SORBS2: variants seen among roughly 807,000 people sequenced by gnomAD.
SORBS2 encodes sorbin and SH3 domain-containing protein 2.
SORBS2 carries 46 observed loss-of-function variants against 97.7 expected under a neutral mutation model. The ratio of observed to expected loss-of-function variants is 0.47; its 90% CI spans 0.37 to 0.60. The LOEUF (loss-of-function observed/expected upper bound fraction) is 0.60, where lower values mean the gene tolerates loss of function less well. Among genes scored for constraint, SORBS2 ranks in the 20% least tolerant of loss-of-function variants. The pLI is 0.00. For synonymous variants in SORBS2, 476 were observed against 473.4 expected (o/e 1.01, Z -0.07); for missense variants, 1,316 against 1,282.3 (o/e 1.03, Z -0.40).
At chr4:185,644,790 G>A (rs1381436777) in intron 4 of SORBS2, among the ~76,000 whole-genome samples, 1 of 152,140 alleles carries the variant, frequency 6.6e-6, no homozygotes, top group East Asian at 1.9e-4. Context: ...TGTAAAACGA[G>A]GAGTCTTTAA....
At chr4:185,682,656 A>G (rs1315114413) in intron 2 of SORBS2, among the ~76,000 whole-genome samples, 9 of 152,222 alleles carry the variant, frequency 5.9e-5, no homozygotes, top group Admixed American at 5.9e-4. Flanking sequence ...TGAAAGCTAC[A>G]TAGAATGCAG....
chr4:185,671,333 AT>A, intron 4 of SORBS2, among the ~76,000 whole-genome samples: 1 of 152,340 alleles, frequency 6.6e-6, no homozygotes, highest in South Asian at 2.1e-4. Context: ...AAAGTGTCAT[AT>A]TTTAAGAACA....
intron 1 of SORBS2, among the ~76,000 whole-genome samples, chr4:185,912,492 G>A (rs985002991): frequency 6.7e-6 from 1 of 150,188 alleles, no homozygotes; most frequent in African/African-American, 2.5e-5. Flanking sequence ...GGCTGAGGCA[G>A]GAGAATCGCT....
intron 1 of SORBS2, among the ~76,000 whole-genome samples, chr4:185,831,086 G>A (rs1191661409): frequency 7.0e-6 from 1 of 143,728 alleles, no homozygotes; most frequent in Admixed American, 7.1e-5. Flanking sequence ...TCTTCTCAAG[G>A]TTTTTCTGCC....
intron 4 of SORBS2, among the ~76,000 whole-genome samples, chr4:185,666,506 T>C (rs900228381): frequency 1.3e-5 from 2 of 152,224 alleles, no homozygotes; most frequent in Non-Finnish European, 2.9e-5. Flanking sequence ...TTTTAGTTTT[T>C]GTATTTGTGA....
chr4:185,629,707 G>T (rs143836473), intron 5 of SORBS2, among the ~76,000 whole-genome samples: 2 of 151,584 alleles, frequency 1.3e-5, no homozygotes, highest in Non-Finnish European at 2.9e-5. Flanking sequence ...TGACTAGAGG[G>T]GCATGCCACC....
exon 7 of SORBS2, chr4:185,624,044 C>T (rs1040537969): frequency 1.9e-6 from 3 of 1,614,000 alleles, no homozygotes; most frequent in Non-Finnish European, 2.5e-6. Context: ...GCGGTTGATG[C>T]GGTGCATTTT....
At chr4:185,815,678 GCTAT>G (rs1238988368) in intron 1 of SORBS2, among the ~76,000 whole-genome samples, 41 of 152,138 alleles carry the variant, frequency 2.7e-4, no homozygotes, top group African/African-American at 8.4e-4. Context: ...GAGAGAGAGA[GCTAT>G]CTATCTATCT....
At chr4:185,730,679 G>C (rs895476307) in intron 2 of SORBS2, among the ~76,000 whole-genome samples, 9 of 152,254 alleles carry the variant, frequency 5.9e-5, no homozygotes, top group African/African-American at 2.2e-4. Flanking sequence ...CCGGGTTGCA[G>C]TAGTAAGTTT....
At chr4:185,596,985 TTG>T (rs1201382251) in intron 12 of SORBS2, among the ~76,000 whole-genome samples, 1 of 152,148 alleles carries the variant, frequency 6.6e-6, no homozygotes, top group Non-Finnish European at 1.5e-5. Context: ...AGCAGAGAAG[TTG>T]TGTGTGTCTT....
chr4:185,779,654 T>C (rs1281494267), intron 1 of SORBS2, among the ~76,000 whole-genome samples: 1 of 152,224 alleles, frequency 6.6e-6, no homozygotes, highest in Non-Finnish European at 1.5e-5. Flanking sequence ...TAAATGTAGT[T>C]TTCCCATGAG....
At chr4:185,709,895 G>A (rs1408789610) in intron 2 of SORBS2, 1 of 150,302 alleles carries the variant, frequency 6.7e-6, no homozygotes, top group Non-Finnish European at 1.5e-5. Flanking sequence ...AAGTGCAGTA[G>A]TGAGAAGGAA....
chr4:185,706,057 T>C (rs2098337580), intron 2 of SORBS2, among the ~76,000 whole-genome samples: 1 of 65,582 alleles, frequency 1.5e-5, no homozygotes, highest in East Asian at 3.3e-4. Context: ...ATGATTTTGT[T>C]TGAGTCTGAA....
intron 4 of SORBS2, among the ~76,000 whole-genome samples, chr4:185,642,668 A>C (rs1299860286): frequency 9.2e-5 from 14 of 152,220 alleles, no homozygotes; most frequent in Non-Finnish European, 4.4e-5. Context: ...TGAGCTTCAA[A>C]AAAGTGCGCT....
intron 2 of SORBS2, among the ~76,000 whole-genome samples, chr4:185,681,154 G>A (rs748605773): frequency 2.0e-5 from 3 of 152,140 alleles, no homozygotes; most frequent in Non-Finnish European, 4.4e-5. Flanking sequence ...CCTTGAAGTG[G>A]CTGGTCTCTC....
chr4:185,740,386 A>C (rs1043902825), intron 2 of SORBS2: 2 of 152,318 alleles, frequency 1.3e-5, no homozygotes, highest in Non-Finnish European at 2.9e-5. Flanking sequence ...CAGAAACTTG[A>C]GCCTATGGAA....
rs75855928 is a variant in SORBS2 at position 185,829,812 on chromosome 4, C to G, written c.-337-54446G>C. 5.9e-3 allele frequency among the ~76,000 whole-genome samples: 895 copies of G among 152,306 alleles called. 8 individuals are homozygous for G. Among genetic ancestry groups the G allele is most frequent in the Middle Eastern group, 0.021 (6 of 292 alleles). ...TTCATAAATTCTTAATTCCAGCCAT[C>G]TGCTCTATACAACCCATGGTTGCTA... On this transcript the variant is annotated intron_variant, in intron 1 of 20. Coordinates refer to the SORBS2 transcript ENST00000284776.
chr4:185,829,209 A>G (rs2099203755), intron 1 of SORBS2, among the ~76,000 whole-genome samples: 1 of 152,132 alleles, frequency 6.6e-6, no homozygotes, highest in African/African-American at 2.4e-5. Context: ...GGGCCCCTCT[A>G]TACATGTGGT....
At chr4:185,729,796 A>AT (rs989918122) in intron 2 of SORBS2, among the ~76,000 whole-genome samples, 4 of 152,056 alleles carry the variant, frequency 2.6e-5, no homozygotes, top group South Asian at 2.1e-4. Context: ...AACTTATGTA[A>AT]TTTTTTTTCA....
Sources: gnomAD v4.1 joint callset for allele counts (sites outside exome capture counted in the v4.1 genomes callset) on GRCh38, gnomAD v4.1.1 for gene constraint, MANE v1.5 for transcripts, NCBI Gene and HGNC (gene_info 2026-07-23, HGNC 2026-07-21) for gene names.